Variants in CNTN5 observed in about 807,000 individuals in gnomAD.
CNTN5 encodes contactin-5.
CNTN5 carries 77 observed loss-of-function variants against 129.1 expected under a neutral mutation model. The observed-to-expected ratio is 0.60, with a 90% CI of 0.50 to 0.72. The LOEUF is 0.72. CNTN5 is among the 30% of genes least tolerant of loss of function. The pLI is 0.00. For synonymous variants in CNTN5, 509 were observed against 465.6 expected, an observed-to-expected ratio of 1.09 and a Z score of -1.20; for missense variants, 1,478 against 1,328.8, an observed-to-expected ratio of 1.11 and a Z score of -1.75.
In CNTN5 at chr11:100,115,115, TAAAAAAAA is replaced by T. The variant is rs11388029; in HGVS notation, c.1580+40838_1580+40845del. Among the ~76,000 whole-genome samples, 7 of 78,388 alleles carry T rather than the reference TAAAAAAAA, an allele frequency of 8.9e-5. 1 individual carries two copies. In the Admixed American group the frequency reaches 1.0e-3, roughly 11 times the overall value. 51.4% of individuals were successfully genotyped at this position (78,388 alleles called of 152,430 possible). A position where few individuals can be genotyped will look rare whatever the true frequency, so the allele number is the denominator to read the frequency against. ...TTTCTAGACTGCTATAGGTATACAG[TAAAAAAAA>T]AAAAAAAAAAAAAAAAGAAAGAAAG... On this transcript the variant is annotated intron_variant, in intron 13 of 24. Coordinates refer to ENST00000524871, the MANE Select transcript of CNTN5 (RefSeq NM_014361.4).
intron 2 of CNTN5, among the ~76,000 whole-genome samples, chr11:99,339,086 A>G (rs1866392328): frequency 6.6e-6 from 1 of 151,324 alleles, no homozygotes; most frequent in African/African-American, 2.4e-5. Flanking sequence ...TGGATACCCC[A>G]TCTCTATGAT....
chr11:100,285,681 C>T (rs939884209), intron 18 of CNTN5, among the ~76,000 whole-genome samples: 1 of 152,212 alleles, frequency 6.6e-6, no homozygotes, highest in African/African-American at 2.4e-5. Flanking sequence ...TATTCCGTCC[C>T]TTCATTCTCT....
chr11:99,274,576 T>A (rs1033574554), intron 1 of CNTN5, among the ~76,000 whole-genome samples: 5 of 151,610 alleles, frequency 3.3e-5, no homozygotes, highest in African/African-American at 1.2e-4. Flanking sequence ...TGTGATTTAC[T>A]TTTTATGCTT....
chr11:99,252,890 T>C (rs1392330916), intron 1 of CNTN5, among the ~76,000 whole-genome samples: 1 of 152,058 alleles, frequency 6.6e-6, no homozygotes, highest in Non-Finnish European at 1.5e-5. Context: ...TCTTTATGGT[T>C]TGTACATTTT....
At chr11:99,241,318 G>GTTGTTTT (rs1861542488) in intron 1 of CNTN5, among the ~76,000 whole-genome samples, 4 of 88,050 alleles carry the variant, frequency 4.5e-5, no homozygotes, top group Non-Finnish European at 8.5e-5. Context: ...TTGATTGTTG[G>GTTGTTTT]TTTTTTTTTT....
chr11:99,318,165 TAA>T (rs1865424150), intron 1 of CNTN5, among the ~76,000 whole-genome samples: 1 of 152,170 alleles, frequency 6.6e-6, no homozygotes, highest in Non-Finnish European at 1.5e-5. Context: ...TTGAGAGAAA[TAA>T]GTGTTCTATT....
At chr11:100,232,832 A>G (rs965748659) in intron 16 of CNTN5, among the ~76,000 whole-genome samples, 1 of 152,198 alleles carries the variant, frequency 6.6e-6, no homozygotes, top group Non-Finnish European at 1.5e-5. Flanking sequence ...TCTGACCATC[A>G]GCTTCATTAC....
chr11:99,407,330 G>A (rs1942121615), intron 2 of CNTN5, among the ~76,000 whole-genome samples: 1 of 152,108 alleles, frequency 6.6e-6, no homozygotes, highest in Admixed American at 6.5e-5. Flanking sequence ...CTGGCTCAGG[G>A]TGTGTCTAGA....
rs879092681 is a variant in CNTN5 at position 100,074,397 on chromosome 11, G to A, written c.1580+103G>A. ...AAAGAGTCTTGCAGTACCGTGAGAC[G>A]TATTTTATGAACTGATTGAAACATG... On this transcript the variant is annotated intron_variant, in intron 13 of 24. Transcript: ENST00000524871. 7.2e-5 allele frequency: 72 copies of A among 997,462 alleles called. 1 individual carries two copies. In the South Asian group the frequency reaches 8.1e-4, roughly 11 times the overall value. The allele number at this position is 997,462 out of a possible 1,614,324, so 61.8% of individuals were successfully genotyped here.
intron 9 of CNTN5, among the ~76,000 whole-genome samples, chr11:100,060,896 C>G (rs1019726695): frequency 6.6e-6 from 1 of 152,072 alleles, no homozygotes; most frequent in East Asian, 1.9e-4. Context: ...CCGCCTTGGC[C>G]TCCCAAAGTG....
At chr11:99,034,573 T>G (rs898946212) in intron 1 of CNTN5, among the ~76,000 whole-genome samples, 1 of 151,636 alleles carries the variant, frequency 6.6e-6, no homozygotes, top group Non-Finnish European at 1.5e-5. Flanking sequence ...GTTTGTAGTA[T>G]TCTCTGATGG....
intron 2 of CNTN5, among the ~76,000 whole-genome samples, chr11:99,454,189 G>A (rs1288985363): frequency 6.6e-6 from 1 of 152,044 alleles, no homozygotes; most frequent in Non-Finnish European, 1.5e-5. Flanking sequence ...TACCAATAAA[G>A]GAGGGGAGGA....
rs185406158 is a variant in CNTN5, at chr11:99,471,116, C to T, written c.-70-85029C>T. On this transcript the variant is annotated intron_variant, in intron 2 of 24. Coordinates refer to ENST00000524871, the MANE Select transcript of CNTN5 (RefSeq NM_014361.4). ...AACTTTCCAGATATATTTTTGGAAT[C>T]ACAAGTACATTTTATATTTAAAGTA... Among the ~76,000 whole-genome samples the T allele has an allele frequency of 5.3e-5, 8 of 149,862 alleles. No individual in the cohort carries two copies. In the Admixed American group the frequency reaches 5.3e-4, roughly 10 times the overall value.
chr11:99,724,388 C>G (rs1943269673), intron 3 of CNTN5, among the ~76,000 whole-genome samples: 1 of 152,160 alleles, frequency 6.6e-6, no homozygotes, highest in African/African-American at 2.4e-5. Context: ...AGATCATCAG[C>G]TCCTTTGAGT....
At chr11:99,277,090 G>T (rs1863475352) in intron 1 of CNTN5, among the ~76,000 whole-genome samples, 1 of 151,630 alleles carries the variant, frequency 6.6e-6, no homozygotes. Context: ...ATATCATTTT[G>T]AAAATCTTTG....
At chr11:99,544,102 G>A (rs943485438) in intron 2 of CNTN5, among the ~76,000 whole-genome samples, 10 of 152,060 alleles carry the variant, frequency 6.6e-5, no homozygotes, top group Non-Finnish European at 1.3e-4. Flanking sequence ...CTGTATAAGC[G>A]TGGCACTGGC....
chr11:99,804,165 A>T (rs1013981945), intron 3 of CNTN5, among the ~76,000 whole-genome samples: 1 of 152,120 alleles, frequency 6.6e-6, no homozygotes, highest in South Asian at 2.1e-4. Context: ...GAATAAAAAT[A>T]ATTTATAAAA....
At position 99,990,788 on chromosome 11, in the gene CNTN5, CAT is replaced by C. The variant is rs549645053; in HGVS notation, c.878-11243_878-11242del. Among the ~76,000 whole-genome samples the C allele has an allele frequency of 1.1e-3, 163 of 152,236 alleles. 1 individual carries two copies. The Middle Eastern group carries it at 0.02, about 19-fold the overall frequency. The stretch of plus-strand genomic sequence containing the variant: ...TGATTAGAATTTCCAAATACTATAA[CAT>C]ATTTATTTGAATACAGTTACCTACA... On this transcript the variant is annotated intron_variant, in intron 8 of 24. Transcript: ENST00000524871.
chr11:99,404,315 G>C (rs1311648595), intron 2 of CNTN5, among the ~76,000 whole-genome samples: 3 of 150,606 alleles, frequency 2.0e-5, no homozygotes, highest in Non-Finnish European at 4.4e-5. Flanking sequence ...TTCAGCTTTT[G>C]ATAGAAAAAT....
Sources: gnomAD v4.1 joint callset for allele counts (sites outside exome capture counted in the v4.1 genomes callset) on GRCh38, gnomAD v4.1.1 for gene constraint, MANE v1.5 for transcripts, NCBI Gene and HGNC (gene_info 2026-07-23, HGNC 2026-07-21) for gene names.